POLQ: variants seen among roughly 807,000 people sequenced by gnomAD.
POLQ encodes DNA polymerase theta, also known as epididymis secretory sperm binding protein.
Under a neutral mutation model 259.2 loss-of-function variants are expected in POLQ, and 233 were observed. The ratio of observed to expected loss-of-function variants is 0.90; its 90% CI spans 0.81 to 1.00. POLQ has a LOEUF of 1.00. Ranked by LOEUF, POLQ falls within the 50% of genes least tolerant of loss-of-function variation. POLQ has a pLI of 0.00. For missense variants in POLQ, 2,871 were observed against 3,051.6 expected (o/e 0.94, Z 1.39); for synonymous variants, 1,025 against 1,048.8 (o/e 0.98, Z 0.44).
Position 121,493,553 on chromosome 3 carries a change from T to A in POLQ, c.2447A>T (p.His816Leu). The change falls in exon 15 of 30, where the codon CAT (histidine) becomes CTT (leucine). Residue 816 changes from histidine to leucine, a missense_variant. Physicochemically the swap from His to Leu is moderately conservative, Grantham distance 99 (BLOSUM62 -3). Coordinates refer to ENST00000264233, the MANE Select transcript of POLQ (RefSeq NM_199420.4). ...RARVLYASGF[H>L]TVADLARANI... ...TGCTCTAGCAAGGTCTGCCACAGTA[T>A]GAAAGCCAGAAGCATAGAGAACCCT... 1 of 1,613,970 alleles carries A rather than the reference T, an allele frequency of 6.2e-7. No homozygotes were observed. The highest frequency in any genetic ancestry group is 1.3e-5 in the African/African-American group (1 of 75,040).
At chr3:121,470,666 A>T (rs1011135277) in intron 22 of POLQ, among the ~76,000 whole-genome samples, 3 of 152,214 alleles carry the variant, frequency 2.0e-5, no homozygotes, top group Non-Finnish European at 4.4e-5. Context: ...GCTGAAGTGC[A>T]GTGGCTCAAT....
rs552298003 is a variant in POLQ, at chr3:121,504,087, C to T, written c.1960-5417G>A. ...TTCACCATGTTGGCCAGGCTGGTCT[C>T]GAACACCTGACCTCAGATGATCCGC... On this transcript the variant is annotated intron_variant, in intron 12 of 29. Coordinates refer to ENST00000264233, the MANE Select transcript of POLQ (RefSeq NM_199420.4). Among the ~76,000 whole-genome samples, 3 of 152,044 alleles carry T rather than the reference C, an allele frequency of 2.0e-5. No homozygotes were observed. In the South Asian group the frequency reaches 6.2e-4, roughly 32 times the overall value.
chr3:121,511,821 A>C (rs546612306), intron 10 of POLQ, 66 bp downstream of exon 10: 2 of 1,196,438 alleles, frequency 1.7e-6, no homozygotes, highest in African/African-American at 3.1e-5. Context: ...TAAGATTTTC[A>C]TATACTAACA....
intron 25 of POLQ, among the ~76,000 whole-genome samples, chr3:121,456,511 A>G (rs1461739576): frequency 6.6e-6 from 1 of 152,230 alleles, no homozygotes; most frequent in Non-Finnish European, 1.5e-5. Flanking sequence ...AATCTCCTTA[A>G]GCTCATGAGC....
intron 10 of POLQ, 117 bp downstream of exon 10, chr3:121,511,768 ACT>A: frequency 1.3e-6 from 1 of 794,040 alleles, no homozygotes; most frequent in African/African-American, 1.8e-5. Flanking sequence ...ACAGAGTGAG[ACT>A]CTGTCTCAAA....
At chr3:121,506,248 T>C (rs546948978) in intron 12 of POLQ, among the ~76,000 whole-genome samples, 9 of 150,550 alleles carry the variant, frequency 6.0e-5, no homozygotes, top group African/African-American at 2.2e-4. Context: ...CTCCCTAATA[T>C]ATAAAAAAAC....
At chr3:121,531,893 A>C (rs2048414154) in intron 6 of POLQ, among the ~76,000 whole-genome samples, 1 of 152,254 alleles carries the variant, frequency 6.6e-6, no homozygotes, top group African/African-American at 2.4e-5. Context: ...ACAAATGCAT[A>C]CCTAGGTAGT....
rs372748859 is a variant in POLQ at position 121,498,474 on chromosome 3, T to G, written c.2153+3A>C. 2.0e-5 allele frequency: 32 copies of G among 1,611,580 alleles called. No homozygotes were observed. In the African/African-American group the frequency reaches 4.3e-4, roughly 22 times the overall value. ...CGGAGAGCCCAGAGACCTTGACGTT[T>G]ACCTTTTATGGATGGCCATTTGTCG... On this transcript the variant is annotated splice_donor_region_variant and intron_variant, in intron 13 of 29. Transcript: ENST00000264233.
chr3:121,439,098 A>C (rs1207313062), intron 27 of POLQ, among the ~76,000 whole-genome samples: 3 of 152,376 alleles, frequency 2.0e-5, no homozygotes, highest in African/African-American at 7.2e-5. Context: ...GAATACTTTC[A>C]TGAATCCCAA....
rs768021204 is a variant in POLQ, at chr3:121,498,569, C to T, written c.2061G>A (p.Val687=). The change falls in exon 13 of 30, where the codon GTG becomes GTA. Residue 687 remains valine, a synonymous_variant. Coordinates refer to ENST00000264233, the MANE Select transcript of POLQ (RefSeq NM_199420.4). ...GGGCCAAGAACCCCTCTTCAACTCC[C>T]ACTAGCTCTGCCACCCTTTTCATTG... ...PTSMKRVAEL[V]GVEEGFLARC... 5 of 1,614,078 alleles carry T rather than the reference C, an allele frequency of 3.1e-6. No homozygotes were observed. The Admixed American group carries it at 5.0e-5, about 16-fold the overall frequency.
At chr3:121,443,689 G>C (rs1444184386) in intron 26 of POLQ, among the ~76,000 whole-genome samples, 1 of 152,144 alleles carries the variant, frequency 6.6e-6, no homozygotes, top group Non-Finnish European at 1.5e-5. Context: ...ATATACTGGA[G>C]AGTTTCCCCC....
chr3:121,534,280 T>C (rs2048434816), intron 5 of POLQ, among the ~76,000 whole-genome samples: 2 of 145,286 alleles, frequency 1.4e-5, no homozygotes, highest in African/African-American at 5.7e-5. Flanking sequence ...ATTTCCTCTT[T>C]CATTTTTTGC....
intron 8 of POLQ, 111 bp from the exon 9 acceptor site, chr3:121,520,194 CT>C: frequency 1.5e-6 from 1 of 670,748 alleles, no homozygotes; most frequent in Non-Finnish European, 2.6e-6. Flanking sequence ...ATTTTTGAAA[CT>C]ATTGTTATGA....
At chr3:121,528,852 T>A (rs529352003) in intron 7 of POLQ, among the ~76,000 whole-genome samples, 10 of 152,008 alleles carry the variant, frequency 6.6e-5, no homozygotes, top group Admixed American at 2.0e-4. Flanking sequence ...CTGGGGAGGC[T>A]AAGATGGAAG....
At chr3:121,473,588 A>G in intron 20 of POLQ, 101 bp from the exon 21 acceptor site, 1 of 1,003,000 alleles carries the variant, frequency 1.0e-6, no homozygotes, top group Non-Finnish European at 1.5e-6. Context: ...CTACAGTTCA[A>G]CATGGATTGA....
At chr3:121,432,452 C>T (rs755093059) in intron 29 of POLQ, 35 bp from the exon 30 acceptor site, 14 of 1,590,916 alleles carry the variant, frequency 8.8e-6, no homozygotes, top group African/African-American at 2.7e-5. Context: ...ACAAACTGCC[C>T]AGTCAAAGAA....
intron 28 of POLQ, among the ~76,000 whole-genome samples, chr3:121,435,503 C>T (rs2047536580): frequency 6.6e-6 from 1 of 152,210 alleles, no homozygotes; most frequent in South Asian, 2.1e-4. Context: ...GTCAAAATTA[C>T]TTTCATAATA....
chr3:121,522,606 C>T (rs1024060249), intron 7 of POLQ, among the ~76,000 whole-genome samples: 1 of 152,050 alleles, frequency 6.6e-6, no homozygotes, highest in African/African-American at 2.4e-5. Context: ...CCACCGCGCC[C>T]GGCTGGAGAT....
chr3:121,495,523 C>G (rs1258436616), intron 14 of POLQ, among the ~76,000 whole-genome samples: 2 of 152,030 alleles, frequency 1.3e-5, no homozygotes, highest in Admixed American at 1.3e-4. Context: ...GGCAGTCTTT[C>G]ATCTTTGATA....
Sources: gnomAD v4.1 joint callset for allele counts (sites outside exome capture counted in the v4.1 genomes callset) on GRCh38, gnomAD v4.1.1 for gene constraint, MANE v1.5 for transcripts, NCBI Gene and HGNC (gene_info 2026-07-23, HGNC 2026-07-21) for gene names.